Variants in TMEM108 observed in about 807,000 individuals in gnomAD.
TMEM108 encodes cancer/testis antigen 124.
In TMEM108, 12 loss-of-function variants were observed where a neutral mutation model predicts 35.1. The observed-to-expected ratio is 0.34, with a 90% CI of 0.22 to 0.55. The LOEUF is 0.55. TMEM108 is among the 20% of genes least tolerant of loss of function. The probability of loss-of-function intolerance (pLI) is 0.89; values close to 1 mark genes in which losing one functional copy is unlikely to be tolerated. For synonymous variants in TMEM108, 287 were observed against 308.6 expected (o/e 0.93, Z 0.73); for missense variants, 680 against 753.3 (o/e 0.90, Z 1.14).
intron 2 of TMEM108, among the ~76,000 whole-genome samples, chr3:133,069,777 C>G (rs575069699): frequency 6.6e-6 from 1 of 152,262 alleles, no homozygotes; most frequent in South Asian, 2.1e-4. Context: ...CTTTGTCTGT[C>G]TGTTTGGTCA....
intron 2 of TMEM108, among the ~76,000 whole-genome samples, chr3:133,064,404 C>G (rs1943570969): frequency 6.6e-6 from 1 of 152,142 alleles, no homozygotes; most frequent in Non-Finnish European, 1.5e-5. Flanking sequence ...ATGCGTGGGT[C>G]TTTAATATCT....
At chr3:133,057,253 A>G (rs1943476144) in intron 2 of TMEM108, among the ~76,000 whole-genome samples, 1 of 151,884 alleles carries the variant, frequency 6.6e-6, no homozygotes, top group East Asian at 1.9e-4. Context: ...TTCTCAGACG[A>G]CCACCTTCTT....
At chr3:133,103,526 C>T (rs912861405) in intron 2 of TMEM108, among the ~76,000 whole-genome samples, 1 of 151,966 alleles carries the variant, frequency 6.6e-6, no homozygotes, top group Non-Finnish European at 1.5e-5. Flanking sequence ...GTACAACAAC[C>T]CCCCATGATA....
intron 2 of TMEM108, among the ~76,000 whole-genome samples, chr3:133,174,800 C>A (rs980115452): frequency 2.0e-5 from 3 of 152,156 alleles, no homozygotes; most frequent in Non-Finnish European, 4.4e-5. Flanking sequence ...CAGCTCCTCA[C>A]CAACAATGGA....
intron 3 of TMEM108, among the ~76,000 whole-genome samples, chr3:133,376,261 C>T (rs1300557811): frequency 6.6e-6 from 1 of 152,106 alleles, no homozygotes; most frequent in Non-Finnish European, 1.5e-5. Context: ...TGTATTAACC[C>T]CTCTCTCTGC....
chr3:133,383,963 G>A (rs1417955553), intron 4 of TMEM108, among the ~76,000 whole-genome samples: 3 of 152,108 alleles, frequency 2.0e-5, no homozygotes, highest in East Asian at 1.9e-4. Context: ...CGGGACCATC[G>A]TTAACCCTGT....
chr3:133,177,091 A>G (rs1321127731), intron 2 of TMEM108, among the ~76,000 whole-genome samples: 1 of 152,252 alleles, frequency 6.6e-6, no homozygotes, highest in Non-Finnish European at 1.5e-5. Context: ...TCCTCGATAC[A>G]TACACCCTCC....
intron 2 of TMEM108, among the ~76,000 whole-genome samples, chr3:133,151,572 G>C (rs1478858785): frequency 6.6e-6 from 1 of 152,052 alleles, no homozygotes; most frequent in Non-Finnish European, 1.5e-5. Context: ...CTTAGAAGAG[G>C]AGGAACTCGA....
intron 2 of TMEM108, among the ~76,000 whole-genome samples, chr3:133,122,066 G>T (rs929696161): frequency 6.6e-6 from 1 of 152,048 alleles, no homozygotes. Context: ...ACATCAGTTA[G>T]AATTCTTGGA....
In TMEM108 at chr3:133,346,913, A is replaced by G. The variant is rs922009458; in HGVS notation, c.41-32839A>G. The stretch of plus-strand genomic sequence containing the variant: ...TGAACAAACAGTCCTTTCTCCATTG[A>G]ATTGCCTTAGCTCCTTTGTCAAAGA... On this transcript the variant is annotated intron_variant, in intron 3 of 5. Coordinates refer to ENST00000321871, the MANE Select transcript of TMEM108 (RefSeq NM_023943.4). The surrounding 1 kb of genome is among the most constrained non-coding windows in gnomAD (Gnocchi z 4.0). Among the ~76,000 whole-genome samples, 2 of 152,056 alleles carry G rather than the reference A, an allele frequency of 1.3e-5. No homozygotes were observed. The highest frequency in any genetic ancestry group is 4.8e-5 in the African/African-American group (2 of 41,440).
chr3:133,347,399 T>G (rs578103983), intron 3 of TMEM108, among the ~76,000 whole-genome samples: 13 of 152,232 alleles, frequency 8.5e-5, no homozygotes, highest in African/African-American at 2.9e-4. Context: ...TCCTTTTTTC[T>G]TTTTGGTGTT....
intron 2 of TMEM108, among the ~76,000 whole-genome samples, chr3:133,220,681 A>G (rs1170979844): frequency 6.6e-6 from 1 of 152,184 alleles, no homozygotes; most frequent in African/African-American, 2.4e-5. Context: ...TCCCATGGAC[A>G]CCAGCTGAGT....
rs1202600400 is a variant in TMEM108, at chr3:133,396,570, C to T, written c.*584C>T. ...TTAATTCCATCCAAGTTGTGGATGG[C>T]AGGCAGGAGCATGGAGCCCTCAGGA... is the stretch of plus-strand genomic sequence containing the variant. On this transcript the variant is annotated 3_prime_UTR_variant, in exon 6 of 6. Transcript: ENST00000321871. 6.6e-6 allele frequency: 1 copy of T among 152,196 alleles called. No individual in the cohort carries two copies. The highest frequency in any genetic ancestry group is 1.9e-4 in the East Asian group (1 of 5,184). The allele number at this position is 152,196 out of a possible 1,614,324, so 9.4% of individuals were successfully genotyped here. A position where few individuals can be genotyped will look rare whatever the true frequency, so the allele number is the denominator to read the frequency against.
At chr3:133,102,312 T>G (rs958322656) in intron 2 of TMEM108, among the ~76,000 whole-genome samples, 5 of 152,196 alleles carry the variant, frequency 3.3e-5, no homozygotes, top group African/African-American at 1.2e-4. Context: ...GAAAGAAGTT[T>G]CTGTTGTGTT....
intron 2 of TMEM108, among the ~76,000 whole-genome samples, chr3:133,176,794 A>G (rs1576363261): frequency 2.0e-5 from 3 of 152,278 alleles, no homozygotes. Flanking sequence ...AAGCTAGCAG[A>G]AGGCAAGAAA....
chr3:133,081,535 C>G (rs1559826529), intron 2 of TMEM108, among the ~76,000 whole-genome samples: 1 of 152,206 alleles, frequency 6.6e-6, no homozygotes, highest in South Asian at 2.1e-4. Flanking sequence ...AATGATTGTG[C>G]CATTCCTTCA....
At chr3:133,306,301 T>C (rs985907852) in intron 3 of TMEM108, among the ~76,000 whole-genome samples, 1 of 152,182 alleles carries the variant, frequency 6.6e-6, no homozygotes, top group African/African-American at 2.4e-5. Context: ...AAGAATCTAG[T>C]TCATTACTTT....
At chr3:133,315,971 C>T (rs190912107) in intron 3 of TMEM108, among the ~76,000 whole-genome samples, 161 of 152,284 alleles carry the variant, frequency 1.1e-3, no homozygotes, top group Non-Finnish European at 1.9e-3. Flanking sequence ...AATAGACCTC[C>T]GCACTACTAA....
chr3:133,157,216 A>G (rs1343928145), intron 2 of TMEM108, among the ~76,000 whole-genome samples: 3 of 152,226 alleles, frequency 2.0e-5, no homozygotes, highest in African/African-American at 7.2e-5. Flanking sequence ...TGTTGGCCTC[A>G]ACCCAGTCAT....
Sources: allele counts gnomAD v4.1 joint callset (sites outside exome capture counted in the v4.1 genomes callset), GRCh38; gene constraint gnomAD v4.1.1; non-coding constraint Gnocchi (gnomAD v3.1); transcripts MANE v1.5; gene names NCBI Gene and HGNC (gene_info 2026-07-23, HGNC 2026-07-21).